The following ORC4 variants were observed in gnomAD, a reference collection of about 807,000 sequenced individuals.
The protein encoded by ORC4 is origin recognition complex subunit 4.
Under a neutral mutation model 63.9 loss-of-function variants are expected in ORC4, and 55 were observed. That is an observed-to-expected ratio of 0.86 (90% CI 0.69 to 1.08). ORC4 has a LOEUF of 1.08. Among genes scored for constraint, ORC4 ranks in the 50% least tolerant of loss-of-function variants. The pLI, the probability that ORC4 is intolerant of heterozygous loss-of-function variation, is 0.00. For missense variants in ORC4, 511 were observed against 504.4 expected (o/e 1.01, Z -0.13); for synonymous variants, 150 against 168.5 (o/e 0.89, Z 0.85).
intron 4 of ORC4, among the ~76,000 whole-genome samples, chr2:147,970,521 G>A (rs924639836): frequency 5.4e-5 from 8 of 148,744 alleles, no homozygotes; most frequent in Non-Finnish European, 7.4e-5. Flanking sequence ...CCTAAAAACA[G>A]AACCACATAA....
chr2:147,938,257 T>A, intron 12 of ORC4, 41 bp downstream of exon 12: 1 of 1,589,562 alleles, frequency 6.3e-7, no homozygotes, highest in Non-Finnish European at 8.6e-7. Context: ...AAATAAGCAG[T>A]GGGGAAGAGT....
chr2:147,948,996 C>CATATTATATATAATATATATAATTT (rs1199189077), intron 8 of ORC4, among the ~76,000 whole-genome samples: 222 of 144,814 alleles, frequency 1.5e-3, no homozygotes, highest in African/African-American at 5.4e-3. Context: ...TAGTACACAG[C>CATATTATATATAATATATATAATTT]ATATTATATA....
intron 4 of ORC4, among the ~76,000 whole-genome samples, chr2:147,967,628 C>T (rs1268497032): frequency 1.3e-5 from 2 of 151,758 alleles, no homozygotes; most frequent in Non-Finnish European, 1.5e-5. Context: ...AACTACAAAG[C>T]ACTGAAGAAA....
intron 11 of ORC4, 52 bp from the exon 12 acceptor site, chr2:147,938,445 A>G (rs759208189): frequency 1.3e-5 from 13 of 1,016,634 alleles, no homozygotes; most frequent in Middle Eastern, 6.1e-4. Flanking sequence ...TAAGACTGAA[A>G]TAACTGTTCT....
At chr2:147,952,787 G>A (rs1226487545) in intron 7 of ORC4, among the ~76,000 whole-genome samples, 2 of 152,134 alleles carry the variant, frequency 1.3e-5, no homozygotes, top group Non-Finnish European at 2.9e-5. Flanking sequence ...AGCACTTTGG[G>A]AGGCTGAGGT....
At position 147,947,826 on chromosome 2, in the gene ORC4, C is replaced by A. The variant is rs1688739564; in HGVS notation, c.762+225G>T. On this transcript the variant is annotated intron_variant, in intron 9 of 13. Transcript: ENST00000392857. The stretch of plus-strand genomic sequence containing the variant: ...TTTACTTCAAACTAATAACATAAAT[C>A]CTAAAGCTTAACTGTGATGTTCTTT... 3.4e-5 allele frequency: 13 copies of A among 379,204 alleles called. No individual in the cohort carries two copies. In the South Asian group the frequency reaches 5.1e-4, roughly 15 times the overall value. The allele number at this position is 379,204 out of a possible 1,614,324, so 23.5% of individuals were successfully genotyped here.
rs750621033 is a variant in ORC4, at chr2:147,948,045, A to G, written c.762+6T>C. 8.7e-6 allele frequency: 14 copies of G among 1,607,006 alleles called. No homozygotes were observed. The Admixed American group carries it at 1.2e-4, about 13-fold the overall frequency. On this transcript the variant is annotated splice_donor_region_variant and intron_variant, in intron 9 of 13. Transcript: ENST00000392857. Reference sequence around the variant, plus strand: ...GAACATTTAGCTTTATTGCCTTTTAAGATACCTGAACATTTTCATTCCACT... The same window carrying G: ...GAACATTTAGCTTTATTGCCTTTTAGGATACCTGAACATTTTCATTCCACT...
chr2:148,012,085 G>GA (rs942238876), intron 1 of ORC4, among the ~76,000 whole-genome samples: 57 of 148,140 alleles, frequency 3.8e-4, no homozygotes, highest in African/African-American at 7.2e-4. Context: ...CACAGAAATA[G>GA]AAAAAAAAAA....
At chr2:147,940,692 A>G (rs2105264079) in intron 10 of ORC4, among the ~76,000 whole-genome samples, 1 of 152,202 alleles carries the variant, frequency 6.6e-6, no homozygotes, top group Non-Finnish European at 1.5e-5. Flanking sequence ...AAAGGAATGA[A>G]CTAACAGCAT....
chr2:147,948,765 C>T (rs1219900812), intron 8 of ORC4, among the ~76,000 whole-genome samples: 1 of 150,490 alleles, frequency 6.6e-6, no homozygotes, highest in Non-Finnish European at 1.5e-5. Context: ...TGTCAAAGAA[C>T]ACTAAAAACC....
intron 1 of ORC4, among the ~76,000 whole-genome samples, chr2:148,009,755 C>T (rs1290237391): frequency 6.6e-6 from 1 of 152,180 alleles, no homozygotes; most frequent in East Asian, 1.9e-4. Flanking sequence ...CCAACAGCCG[C>T]AGAATACATT....
rs1687681844 is a variant in ORC4 at position 147,930,853 on chromosome 2, TATG to T, written c.*4654_*4656del. On this transcript the variant is annotated 3_prime_UTR_variant, in exon 14 of 14. Transcript: ENST00000392857. ...TTTGCATATGCAGTTTTTCTTTAGC[TATG>T]TTTTTTTTTTTTTTTATACTTTAAG... is the stretch of plus-strand genomic sequence containing the variant. 1 of 127,160 alleles carries T rather than the reference TATG, an allele frequency of 7.9e-6. No homozygotes were observed. The highest frequency in any genetic ancestry group is 8.1e-5 in the Admixed American group (1 of 12,386). The allele number at this position is 127,160 out of a possible 1,614,324, so 7.9% of individuals were successfully genotyped here.
chr2:147,948,855 G>A (rs1200007146), intron 8 of ORC4, among the ~76,000 whole-genome samples: 1 of 151,054 alleles, frequency 6.6e-6, no homozygotes, highest in African/African-American at 2.4e-5. Flanking sequence ...AAAACTGATA[G>A]GCATTCAAAC....
At chr2:147,964,239 A>G (rs987328085) in intron 4 of ORC4, among the ~76,000 whole-genome samples, 3 of 152,210 alleles carry the variant, frequency 2.0e-5, no homozygotes, top group Admixed American at 1.3e-4. Flanking sequence ...TGTGATTCGA[A>G]TAAGAAATTA....
intron 13 of ORC4, 163 bp downstream of exon 13, chr2:147,937,983 C>CA: frequency 1.5e-6 from 1 of 649,384 alleles, no homozygotes; most frequent in Non-Finnish European, 2.7e-6. Flanking sequence ...GTCACTTCCT[C>CA]AGATTTTTCC....
In ORC4 at chr2:147,935,254, ATG is replaced by A; in HGVS notation, c.*254_*255del. 2.1e-6 allele frequency: 1 copy of A among 484,844 alleles called. No homozygotes were observed. The highest frequency in any genetic ancestry group is 3.3e-5 in the Admixed American group (1 of 30,026). 30.0% of individuals were successfully genotyped at this position (484,844 alleles called of 1,614,324 possible). ...ATATATATAAGTGTTAAAAAAGCACATGGTCTAGTCCCTAAAACAGTCATATT... is the reference window on the plus strand; with the variant it reads ...ATATATATAAGTGTTAAAAAAGCACAGTCTAGTCCCTAAAACAGTCATATT... On this transcript the variant is annotated 3_prime_UTR_variant, in exon 14 of 14. Coordinates refer to ENST00000392857, the MANE Select transcript of ORC4 (RefSeq NM_181741.4).
chr2:147,947,987 TTG>T, intron 9 of ORC4, 62 bp downstream of exon 9: 2 of 1,292,852 alleles, frequency 1.5e-6, no homozygotes, highest in African/African-American at 2.9e-5. Flanking sequence ...TTTCTAAAAT[TTG>T]TGTTTTAATT....
At chr2:148,010,791 A>C (rs1267483306) in intron 1 of ORC4, among the ~76,000 whole-genome samples, 4 of 151,720 alleles carry the variant, frequency 2.6e-5, no homozygotes, top group Admixed American at 2.6e-4. Flanking sequence ...TCCTACTCAA[A>C]TCATTCTCCA....
chr2:147,960,392 T>A, intron 4 of ORC4: 1 of 948,254 alleles, frequency 1.1e-6, no homozygotes, highest in African/African-American at 1.8e-5. Flanking sequence ...GTTTATGCAA[T>A]CAACCATTTA....
Sources: gnomAD v4.1 joint callset for allele counts (sites outside exome capture counted in the v4.1 genomes callset) on GRCh38, gnomAD v4.1.1 for gene constraint, MANE v1.5 for transcripts, NCBI Gene and HGNC (gene_info 2026-07-23, HGNC 2026-07-21) for gene names.